The following ADAM12 variants were observed in gnomAD, a reference collection of about 807,000 sequenced individuals.
ADAM12 encodes ADAM metallopeptidase domain 12, also known as disintegrin and metalloproteinase domain-containing protein 12.
Under a neutral mutation model 106.4 loss-of-function variants are expected in ADAM12, and 70 were observed. The observed-to-expected ratio is 0.66, with a 90% CI of 0.54 to 0.80. ADAM12 has a LOEUF of 0.80. Ranked by LOEUF, ADAM12 falls within the 30% of genes least tolerant of loss-of-function variation. The probability of loss-of-function intolerance (pLI) is 0.00; values close to 1 mark genes in which losing one functional copy is unlikely to be tolerated. For synonymous variants in ADAM12, 420 were observed against 433.5 expected, an observed-to-expected ratio of 0.97 and a Z score of 0.39; for missense variants, 1,010 against 1,171.9, an observed-to-expected ratio of 0.86 and a Z score of 2.02.
chr10:126,349,060 A>C (rs894005461), intron 1 of ADAM12, among the ~76,000 whole-genome samples: 2 of 152,204 alleles, frequency 1.3e-5, no homozygotes, highest in African/African-American at 4.8e-5. Flanking sequence ...TAACATGAGA[A>C]TGCTTTACAT....
chr10:126,340,688 A>G (rs1277510141), intron 1 of ADAM12, among the ~76,000 whole-genome samples: 1 of 150,238 alleles, frequency 6.7e-6, no homozygotes, highest in African/African-American at 2.4e-5. Flanking sequence ...TGACCCCTTA[A>G]TAGTGCTCAG....
chr10:126,277,202 T>G (rs1381126585), intron 3 of ADAM12, among the ~76,000 whole-genome samples: 1 of 152,194 alleles, frequency 6.6e-6, no homozygotes, highest in Non-Finnish European at 1.5e-5. Flanking sequence ...TTAGGGTTAT[T>G]TGTTCCCTTC....
intron 2 of ADAM12, among the ~76,000 whole-genome samples, chr10:126,319,475 A>G (rs769136482): frequency 2.4e-4 from 36 of 152,146 alleles, no homozygotes; most frequent in Non-Finnish European, 4.4e-4. Context: ...CCATCATGAG[A>G]AAAACGCTGG....
rs370365770 is a variant in ADAM12 at position 126,063,097 on chromosome 10, C to T, written c.1609+1709G>A. 7.9e-5 allele frequency among the ~76,000 whole-genome samples: 12 copies of T among 152,328 alleles called. No homozygotes were observed. In the East Asian group the frequency reaches 1.7e-3, roughly 22 times the overall value. Reference sequence around the variant, plus strand: ...CCAGGGTGCCCCAAGGCCCAGCAGGCGATGATGCCAGGACTGAGGGCTGCT... The same window carrying T: ...CCAGGGTGCCCCAAGGCCCAGCAGGTGATGATGCCAGGACTGAGGGCTGCT... On this transcript the variant is annotated intron_variant, in intron 14 of 22. Transcript: ENST00000448723.
At chr10:126,035,955 CTTA>C (rs1342095726) in intron 21 of ADAM12, among the ~76,000 whole-genome samples, 188 bp downstream of exon 21, 3 of 139,948 alleles carry the variant, frequency 2.1e-5, no homozygotes, top group Admixed American at 7.0e-5. Context: ...ATATGACACT[CTTA>C]TTATTATACT....
intron 21 of ADAM12, among the ~76,000 whole-genome samples, chr10:126,031,206 C>T (rs1953965619): frequency 6.6e-6 from 1 of 152,194 alleles, no homozygotes; most frequent in Admixed American, 6.5e-5. Context: ...CAGAAGCTCT[C>T]ATAAAACTCA....
chr10:126,117,710 G>C (rs1444872593), intron 6 of ADAM12, among the ~76,000 whole-genome samples: 3 of 135,980 alleles, frequency 2.2e-5, no homozygotes, highest in African/African-American at 8.4e-5. Context: ...GACCATAGTA[G>C]GGTCTCTTGG....
chr10:126,159,959 G>A (rs1206164812), intron 3 of ADAM12, among the ~76,000 whole-genome samples: 1 of 152,198 alleles, frequency 6.6e-6, no homozygotes, highest in African/African-American at 2.4e-5. Flanking sequence ...AGGGGCTTGT[G>A]CTTACAGCCC....
intron 1 of ADAM12, among the ~76,000 whole-genome samples, chr10:126,357,748 C>T (rs1028916275): frequency 1.3e-5 from 2 of 152,074 alleles, no homozygotes; most frequent in African/African-American, 4.8e-5. Context: ...AGAACTCACT[C>T]ACTATCACAA....
At chr10:126,119,313 C>T (rs1364301920) in intron 5 of ADAM12, among the ~76,000 whole-genome samples, 61 of 152,154 alleles carry the variant, frequency 4.0e-4, no homozygotes, top group Non-Finnish European at 1.5e-5. Flanking sequence ...GGTTTCTTCA[C>T]CTGTAAAATG....
chr10:126,147,351 A>C (rs936224183), intron 4 of ADAM12, among the ~76,000 whole-genome samples: 4 of 151,436 alleles, frequency 2.6e-5, no homozygotes, highest in Non-Finnish European at 5.9e-5. Flanking sequence ...AGAGCAGGGG[A>C]CCCTCCCTCT....
At chr10:126,052,143 C>A (rs1025461642) in intron 14 of ADAM12, among the ~76,000 whole-genome samples, 1 of 152,222 alleles carries the variant, frequency 6.6e-6, no homozygotes, top group Non-Finnish European at 1.5e-5. Flanking sequence ...CTCACAGGTG[C>A]TGGACCCTGC....
At chr10:126,061,047 ATCCATCCTC>A in intron 14 of ADAM12, among the ~76,000 whole-genome samples, 1 of 152,276 alleles carries the variant, frequency 6.6e-6, no homozygotes, top group Middle Eastern at 3.4e-3. Flanking sequence ...TACTGGAAAT[ATCCATCCTC>A]TTCCACCCCT....
chr10:126,185,704 A>G (rs1434491525), intron 3 of ADAM12, among the ~76,000 whole-genome samples: 2 of 151,984 alleles, frequency 1.3e-5, no homozygotes, highest in East Asian at 3.9e-4. Context: ...AGAAACAGAG[A>G]TGATTTGAGT....
intron 2 of ADAM12, among the ~76,000 whole-genome samples, chr10:126,323,937 T>G (rs1360930813): frequency 6.6e-6 from 1 of 152,206 alleles, no homozygotes; most frequent in East Asian, 1.9e-4. Context: ...CGCTATTTCA[T>G]GATATCCAAC....
intron 1 of ADAM12, among the ~76,000 whole-genome samples, chr10:126,343,190 C>A (rs1217114781): frequency 2.0e-5 from 3 of 147,044 alleles, no homozygotes; most frequent in South Asian, 2.3e-4. Context: ...CCCCCCATCC[C>A]ACGACAGGCC....
intron 1 of ADAM12, among the ~76,000 whole-genome samples, chr10:126,370,505 C>A (rs572321572): frequency 6.6e-6 from 1 of 152,190 alleles, no homozygotes; most frequent in East Asian, 1.9e-4. Flanking sequence ...TCCTTTGATG[C>A]GAAAATGAAA....
At chr10:126,204,014 A>C (rs892963490) in intron 3 of ADAM12, among the ~76,000 whole-genome samples, 1 of 152,150 alleles carries the variant, frequency 6.6e-6, no homozygotes, top group African/African-American at 2.4e-5. Context: ...CCAGGAGTTG[A>C]AGGAATTCTG....
chr10:126,174,699 C>T (rs906324280), intron 3 of ADAM12, among the ~76,000 whole-genome samples: 1 of 151,992 alleles, frequency 6.6e-6, no homozygotes, highest in African/African-American at 2.4e-5. Context: ...TGAGACATTT[C>T]CACTGCTTTT....
Sources: gnomAD v4.1 joint callset for allele counts (sites outside exome capture counted in the v4.1 genomes callset) on GRCh38, gnomAD v4.1.1 for gene constraint, MANE v1.5 for transcripts, NCBI Gene and HGNC (gene_info 2026-07-23, HGNC 2026-07-21) for gene names.